TET1: variants seen among roughly 807,000 people sequenced by gnomAD.
TET1 encodes methylcytosine dioxygenase TET1.
Under a neutral mutation model 148.7 loss-of-function variants are expected in TET1, and 13 were observed. The ratio of observed to expected loss-of-function variants is 0.09; its 90% CI spans 0.06 to 0.14. The LOEUF is 0.14. Among genes scored for constraint, TET1 ranks in the 10% least tolerant of loss-of-function variants. The pLI, the probability that TET1 is intolerant of heterozygous loss-of-function variation, is 1.00. For missense variants in TET1, 2,182 were observed against 2,553.8 expected (o/e 0.85, Z 3.14); for synonymous variants, 907 against 937.2 (o/e 0.97, Z 0.59).
Position 68,572,336 on chromosome 10 carries a change from G to C in TET1, c.-3G>C. The C allele has an allele frequency of 6.3e-7, 1 of 1,594,214 alleles. No individual in the cohort carries two copies. The highest frequency in any genetic ancestry group is 8.5e-7 in the Non-Finnish European group (1 of 1,174,624). Reference sequence around the variant, plus strand: ...CCCTTTCATTTTTTCCTACTCTGTAGCTATGTCTCGATCCCGCCATGCAAG... The same window carrying C: ...CCCTTTCATTTTTTCCTACTCTGTACCTATGTCTCGATCCCGCCATGCAAG... On this transcript the variant is annotated 5_prime_UTR_variant, in exon 2 of 12. Transcript: ENST00000373644.
At chr10:68,593,705 C>T (rs2053945889) in intron 2 of TET1, among the ~76,000 whole-genome samples, 2 of 152,072 alleles carry the variant, frequency 1.3e-5, no homozygotes, top group African/African-American at 4.8e-5. Context: ...CTCCGCCTCT[C>T]AGGTTCAAGC....
chr10:68,581,079 G>A (rs2053792082), intron 2 of TET1, among the ~76,000 whole-genome samples: 1 of 152,134 alleles, frequency 6.6e-6, no homozygotes, highest in African/African-American at 2.4e-5. Context: ...TTCTCAGAAT[G>A]TTGACTGCTA....
intron 6 of TET1, among the ~76,000 whole-genome samples, chr10:68,657,042 T>C (rs892239157): frequency 7.6e-6 from 1 of 131,264 alleles, no homozygotes; most frequent in Non-Finnish European, 1.6e-5. Flanking sequence ...AAAAAAAAAA[T>C]TTCCCATTTG....
intron 3 of TET1, among the ~76,000 whole-genome samples, chr10:68,617,251 C>T (rs1231408219): frequency 6.6e-6 from 1 of 150,742 alleles, no homozygotes; most frequent in Non-Finnish European, 1.5e-5. Flanking sequence ...GTCTCGATCT[C>T]CTGACCTCGT....
chr10:68,566,726 C>G (rs1026801172), intron 1 of TET1, among the ~76,000 whole-genome samples: 1 of 152,076 alleles, frequency 6.6e-6, no homozygotes. Flanking sequence ...AAGGTGGGAA[C>G]AGAACCAAAA....
At chr10:68,641,365 C>A (rs2054751107) in intron 3 of TET1, among the ~76,000 whole-genome samples, 1 of 151,830 alleles carries the variant, frequency 6.6e-6, no homozygotes, top group East Asian at 1.9e-4. Context: ...TGCAGTGATT[C>A]CACCACTGAT....
chr10:68,640,713 G>C (rs558585933), intron 3 of TET1, among the ~76,000 whole-genome samples: 1 of 150,300 alleles, frequency 6.7e-6, no homozygotes, highest in Non-Finnish European at 1.5e-5. Flanking sequence ...CACCACACCC[G>C]GCTAATTTTT....
intron 2 of TET1, among the ~76,000 whole-genome samples, chr10:68,597,539 C>T (rs943451060): frequency 4.6e-5 from 7 of 152,138 alleles, no homozygotes; most frequent in Admixed American, 1.3e-4. Flanking sequence ...TAAAATGGTG[C>T]GGCTGCTATG....
chr10:68,654,144 T>TGCCTTTCGGGGGAGGGAAC (rs2054984825), intron 6 of TET1, among the ~76,000 whole-genome samples: 1 of 136,908 alleles, frequency 7.3e-6, no homozygotes, highest in African/African-American at 2.7e-5. Context: ...TGTCAGGGAA[T>TGCCTTTCGGGGGAGGGAAC]GCCTTTCGGG....
chr10:68,627,317 G>A (rs2054499137), intron 3 of TET1, among the ~76,000 whole-genome samples: 1 of 151,862 alleles, frequency 6.6e-6, no homozygotes, highest in African/African-American at 2.4e-5. Context: ...GGCTGAGACA[G>A]GAGAATCACT....
Position 68,652,503 on chromosome 10 carries a change from A to G in TET1, c.4370A>G (p.Tyr1457Cys), listed in dbSNP as rs750890650. The part of the protein sequence containing the change: ...AAVREIMENR[Y>C]GQKGNAIRIE... ...CCTTCACTGTGTTTTATACTCAGGT[A>G]TGGTCAAAAAGGAAACGCAATAAGG... is the stretch of plus-strand genomic sequence containing the variant. Residue 1457 changes from tyrosine (Y) to cysteine (C), a missense_variant and splice_region_variant, in exon 6 of 12, where the codon TAT becomes TGT. Transcript: ENST00000373644. 2 of 1,607,688 alleles carry G rather than the reference A, an allele frequency of 1.2e-6. No individual in the cohort carries two copies. The highest frequency in any genetic ancestry group is 1.7e-6 in the Non-Finnish European group (2 of 1,176,622).
rs36067164 is a variant in TET1 at position 68,598,700 on chromosome 10, C to CTT, written c.1915-2266_1915-2265dup. ...TTAGGTTTTTTTTTTCTTTTTCTTT[C>CTT]TTTTTTTTTTTTTTTTGGAGACGGA... is the stretch of plus-strand genomic sequence containing the variant. On this transcript the variant is annotated intron_variant, in intron 2 of 11. Transcript: ENST00000373644. 2.2e-3 allele frequency among the ~76,000 whole-genome samples: 287 copies of CTT among 129,878 alleles called. 2 individuals carry two copies. Among genetic ancestry groups the CTT allele is most frequent in the African/African-American group, 6.3e-3 (221 of 35,052 alleles). The allele number at this position is 129,878 out of a possible 152,430, so 85.2% of individuals were successfully genotyped here.
chr10:68,632,029 A>C (rs1320018258), intron 3 of TET1, among the ~76,000 whole-genome samples: 5 of 151,986 alleles, frequency 3.3e-5, no homozygotes, highest in African/African-American at 1.2e-4. Flanking sequence ...AAACCCTAGT[A>C]GAAAACAGGA....
chr10:68,672,510 A>AAAAAAAAAAAC (rs1564504100), intron 7 of TET1, among the ~76,000 whole-genome samples: 2 of 144,488 alleles, frequency 1.4e-5, no homozygotes, highest in African/African-American at 5.3e-5. Flanking sequence ...AAAAAAAAAA[A>AAAAAAAAAAAC]ACACCAAAAA....
intron 3 of TET1, among the ~76,000 whole-genome samples, chr10:68,635,491 C>T (rs1168291698): frequency 6.6e-6 from 1 of 152,156 alleles, no homozygotes; most frequent in East Asian, 1.9e-4. Flanking sequence ...TCACAATGAA[C>T]TTCTTTAATA....
At chr10:68,689,925 C>G (rs546277475) in intron 11 of TET1, among the ~76,000 whole-genome samples, 11 of 152,212 alleles carry the variant, frequency 7.2e-5, no homozygotes, top group Non-Finnish European at 1.5e-4. Context: ...GAGAAGGAAA[C>G]TAAGCTGAAA....
rs545511524 is a variant in TET1 at position 68,694,209 on chromosome 10, A to G, written c.*2395A>G. 12 of 232,742 alleles carry G rather than the reference A, an allele frequency of 5.2e-5. No individual in the cohort carries two copies. The highest frequency in any genetic ancestry group is 8.5e-5 in the Non-Finnish European group (10 of 117,786). The allele number at this position is 232,742 out of a possible 1,614,324, so 14.4% of individuals were successfully genotyped here. ...AAGTATTTGAAAATATATAGTATCA[A>G]CTGAAATGTTTCCATTCCGTTGTTG... On this transcript the variant is annotated 3_prime_UTR_variant, in exon 12 of 12. Transcript: ENST00000373644.
At chr10:68,677,081 G>C (rs958961819) in intron 8 of TET1, among the ~76,000 whole-genome samples, 1 of 152,150 alleles carries the variant, frequency 6.6e-6, no homozygotes, top group African/African-American at 2.4e-5. Context: ...GATGCTTAAG[G>C]CATTTTCCTT....
At chr10:68,631,396 T>C (rs1255901811) in intron 3 of TET1, among the ~76,000 whole-genome samples, 1 of 151,868 alleles carries the variant, frequency 6.6e-6, no homozygotes, top group Non-Finnish European at 1.5e-5. Context: ...GGTAGGGTAT[T>C]AGCTAACTAT....
Sources: allele counts gnomAD v4.1 joint callset (sites outside exome capture counted in the v4.1 genomes callset), GRCh38; gene constraint gnomAD v4.1.1; transcripts MANE v1.5; gene names NCBI Gene and HGNC (gene_info 2026-07-23, HGNC 2026-07-21).